The following CNTNAP5 variants were observed in gnomAD, a reference collection of about 807,000 sequenced individuals.
The protein encoded by CNTNAP5 is contactin associated protein family member 5.
Under a neutral mutation model 150.2 loss-of-function variants are expected in CNTNAP5, and 72 were observed. The ratio of observed to expected loss-of-function variants is 0.48; its 90% CI spans 0.40 to 0.58. The LOEUF (loss-of-function observed/expected upper bound fraction) is 0.58. Ranked by LOEUF, CNTNAP5 falls within the 20% of genes least tolerant of loss-of-function variation. CNTNAP5 has a pLI of 0.00. For synonymous variants in CNTNAP5, 672 were observed against 619.8 expected, an observed-to-expected ratio of 1.08 and a Z score of -1.25; for missense variants, 1,636 against 1,626.2, an observed-to-expected ratio of 1.01 and a Z score of -0.10.
At chr2:124,225,275 T>G (rs1686427658) in intron 2 of CNTNAP5, among the ~76,000 whole-genome samples, 1 of 152,156 alleles carries the variant, frequency 6.6e-6, no homozygotes, top group Non-Finnish European at 1.5e-5. Context: ...TTTATGTAGA[T>G]GTCATTGTGA....
chr2:124,570,404 G>C (rs963455530), intron 11 of CNTNAP5, among the ~76,000 whole-genome samples: 4 of 152,062 alleles, frequency 2.6e-5, no homozygotes. Context: ...ACAACAAAGT[G>C]GGGGCTATGG....
chr2:124,357,864 G>T (rs373573468), intron 3 of CNTNAP5, among the ~76,000 whole-genome samples: 4 of 150,250 alleles, frequency 2.7e-5, no homozygotes, highest in African/African-American at 9.8e-5. Flanking sequence ...GTAGCTTGAT[G>T]GGGATGGCAT....
intron 1 of CNTNAP5, among the ~76,000 whole-genome samples, chr2:124,205,798 G>A (rs1226903892): frequency 1.3e-5 from 2 of 152,148 alleles, no homozygotes; most frequent in Non-Finnish European, 2.9e-5. Context: ...TTTCCTCTGT[G>A]TGTTTTGCTG....
chr2:124,183,610 T>C (rs1264023629), intron 1 of CNTNAP5, among the ~76,000 whole-genome samples: 1 of 152,220 alleles, frequency 6.6e-6, no homozygotes, highest in Non-Finnish European at 1.5e-5. Flanking sequence ...CCTTTCTTAT[T>C]TGGCAAACAG....
intron 1 of CNTNAP5, among the ~76,000 whole-genome samples, chr2:124,136,054 C>T (rs1019382467): frequency 5.9e-5 from 9 of 152,174 alleles, no homozygotes; most frequent in East Asian, 1.9e-4. Flanking sequence ...AGCTAATCTA[C>T]GGCATGTGGT....
intron 1 of CNTNAP5, among the ~76,000 whole-genome samples, chr2:124,061,626 G>C (rs1462944973): frequency 1.3e-5 from 2 of 152,096 alleles, no homozygotes; most frequent in Non-Finnish European, 2.9e-5. Context: ...GTAAGAGTTT[G>C]TAATTAGGTT....
intron 7 of CNTNAP5, among the ~76,000 whole-genome samples, chr2:124,493,072 T>A (rs1694067893): frequency 6.6e-6 from 1 of 152,148 alleles, no homozygotes; most frequent in Admixed American, 6.5e-5. Context: ...CAACCTTTAA[T>A]GTTAAGTATG....
At chr2:124,520,306 T>C (rs963277885) in intron 8 of CNTNAP5, among the ~76,000 whole-genome samples, 1 of 152,234 alleles carries the variant, frequency 6.6e-6, no homozygotes, top group African/African-American at 2.4e-5. Flanking sequence ...TTGTAAATAA[T>C]GGTGTCAAGA....
At chr2:124,724,407 G>T (rs1461458565) in intron 13 of CNTNAP5, among the ~76,000 whole-genome samples, 1 of 152,114 alleles carries the variant, frequency 6.6e-6, no homozygotes, top group Non-Finnish European at 1.5e-5. Flanking sequence ...ACGTATTCAG[G>T]TGTCTGGAAA....
chr2:124,875,941 A>G (rs1455547376), intron 21 of CNTNAP5, among the ~76,000 whole-genome samples: 1 of 152,106 alleles, frequency 6.6e-6, no homozygotes, highest in African/African-American at 2.4e-5. Flanking sequence ...AGAAGTTTCA[A>G]GGTGTAAGAT....
intron 13 of CNTNAP5, among the ~76,000 whole-genome samples, chr2:124,706,790 A>AGGAGAAGAGGAAGAGGAG: frequency 3.2e-5 from 1 of 31,036 alleles, no homozygotes; most frequent in South Asian, 1.5e-3. Context: ...AAGAAGAAGA[A>AGGAGAAGAGGAAGAGGAG]GAAGAAGGAG....
intron 3 of CNTNAP5, among the ~76,000 whole-genome samples, chr2:124,311,696 C>T (rs1233703081): frequency 6.6e-6 from 1 of 152,034 alleles, no homozygotes; most frequent in Non-Finnish European, 1.5e-5. Flanking sequence ...TCTAATGCTC[C>T]CATAGGAGGA....
At chr2:124,594,067 T>G (rs957214487) in intron 11 of CNTNAP5, among the ~76,000 whole-genome samples, 80 of 119,094 alleles carry the variant, frequency 6.7e-4, no homozygotes, top group African/African-American at 2.3e-3. Context: ...TTGCGAAAAT[T>G]TTCTCCCATG....
intron 7 of CNTNAP5, among the ~76,000 whole-genome samples, chr2:124,498,423 T>A (rs866826991): frequency 6.6e-6 from 1 of 152,120 alleles, no homozygotes; most frequent in Admixed American, 6.6e-5. Flanking sequence ...AATCAGTCAA[T>A]TGGTTATTAT....
intron 1 of CNTNAP5, among the ~76,000 whole-genome samples, chr2:124,209,094 G>A (rs756225490): frequency 5.3e-5 from 8 of 152,114 alleles, no homozygotes; most frequent in Non-Finnish European, 8.8e-5. Flanking sequence ...GAGACCCACC[G>A]CTGTGATGTT....
At chr2:124,478,788 T>C (rs1191337613) in intron 7 of CNTNAP5, among the ~76,000 whole-genome samples, 1 of 152,200 alleles carries the variant, frequency 6.6e-6, no homozygotes, top group African/African-American at 2.4e-5. Flanking sequence ...TTACAGTTAT[T>C]AGGCCTTGGG....
intron 12 of CNTNAP5, among the ~76,000 whole-genome samples, chr2:124,628,352 C>G (rs1677774954): frequency 1.3e-5 from 2 of 152,204 alleles, no homozygotes; most frequent in Admixed American, 1.3e-4. Context: ...GCCCATCAGA[C>G]TGACAGTGGA....
At chr2:124,885,367 A>G (rs1212959038) in intron 21 of CNTNAP5, among the ~76,000 whole-genome samples, 1 of 152,038 alleles carries the variant, frequency 6.6e-6, no homozygotes, top group Non-Finnish European at 1.5e-5. Flanking sequence ...TGATTGAATA[A>G]GTAGGGACTA....
intron 10 of CNTNAP5, among the ~76,000 whole-genome samples, chr2:124,550,437 T>C (rs984066105): frequency 1.3e-5 from 2 of 152,124 alleles, no homozygotes; most frequent in African/African-American, 4.8e-5. Context: ...AGTAATAGAA[T>C]TATTTCTATT....
Sources: allele counts gnomAD v4.1 joint callset (sites outside exome capture counted in the v4.1 genomes callset), GRCh38; gene constraint gnomAD v4.1.1; transcripts MANE v1.5; gene names NCBI Gene and HGNC (gene_info 2026-07-23, HGNC 2026-07-21).